The following TTYH2 variants were observed in gnomAD, a reference collection of about 807,000 sequenced individuals.
TTYH2 encodes the protein protein tweety homolog 2.
In TTYH2, 49 loss-of-function variants were observed where a neutral mutation model predicts 68.3. That is an observed-to-expected ratio of 0.72 (90% CI 0.57 to 0.91). The LOEUF is 0.91. TTYH2 is among the 40% of genes least tolerant of loss of function. TTYH2 has a pLI of 0.00. For missense variants in TTYH2, 631 were observed against 700.4 expected, an observed-to-expected ratio of 0.90 and a Z score of 1.12; for synonymous variants, 272 against 300.8, an observed-to-expected ratio of 0.90 and a Z score of 0.99.
In TTYH2 at chr17:74,243,472, G is replaced by A. The variant is rs2050522858; in HGVS notation, c.731+3G>A. ...CGCTCCAAGTGTCTCCTGGCCTCGT[G>A]AGTATCCCTACCCGTGGACCTGGGA... On this transcript the variant is annotated splice_donor_region_variant and intron_variant, in intron 5 of 13. Coordinates refer to ENST00000269346, the MANE Select transcript of TTYH2 (RefSeq NM_032646.6). The A allele has an allele frequency of 6.2e-7, 1 of 1,613,934 alleles. No individual in the cohort carries two copies. Among genetic ancestry groups the A allele is most frequent in the Non-Finnish European group, 8.5e-7 (1 of 1,179,902 alleles).
chr17:74,260,648 C>T lies in TTYH2; in HGVS notation c.*439C>T, dbSNP rs745627404. The T allele has an allele frequency of 3.4e-5, 7 of 205,782 alleles. No homozygotes were observed. Among genetic ancestry groups the T allele is most frequent in the Admixed American group, 1.5e-4 (3 of 19,948 alleles). The allele number at this position is 205,782 out of a possible 1,614,324, so 12.7% of individuals were successfully genotyped here. ...AGAGCCCAGACGACCCCTCTGTCCT[C>T]GTTCCCTGTCCTCGTTCCCTGCAGG... On this transcript the variant is annotated 3_prime_UTR_variant, in exon 14 of 14. Coordinates refer to ENST00000269346, the MANE Select transcript of TTYH2 (RefSeq NM_032646.6).
In TTYH2 at chr17:74,215,460, A is replaced by G. The variant is rs117177546; in HGVS notation, c.129+1744A>G. 6.0e-3 allele frequency among the ~76,000 whole-genome samples: 917 copies of G among 152,034 alleles called. 2 individuals are homozygous for G. Among genetic ancestry groups the G allele is most frequent in the Non-Finnish European group, 9.1e-3 (618 of 67,940 alleles). On this transcript the variant is annotated intron_variant, in intron 1 of 13. Coordinates refer to ENST00000269346, the MANE Select transcript of TTYH2 (RefSeq NM_032646.6). The surrounding 1 kb of genome is among the most constrained non-coding windows in gnomAD (Gnocchi z 4.3). The stretch of plus-strand genomic sequence containing the variant: ...GGCAGGTGGCAGTTGAGCCAGATGA[A>G]CCTACCTCCAGCCTCTGCCCCTCCT...
At chr17:74,259,657 A>G (rs1164976382) in intron 13 of TTYH2, among the ~76,000 whole-genome samples, 1 of 152,134 alleles carries the variant, frequency 6.6e-6, no homozygotes, top group Non-Finnish European at 1.5e-5. Flanking sequence ...TCCCTGCTCC[A>G]TATCATTTCG....
chr17:74,252,102 GGC>G (rs1405029213), intron 10 of TTYH2, 130 bp from the exon 11 acceptor site: 2 of 1,177,084 alleles, frequency 1.7e-6, no homozygotes, highest in African/African-American at 3.1e-5. Context: ...GGTGCTGCAA[GGC>G]GCTCGGGATG....
At chr17:74,230,785 C>G in intron 2 of TTYH2, 103 bp from the exon 3 acceptor site, 1 of 1,140,996 alleles carries the variant, frequency 8.8e-7, no homozygotes, top group Non-Finnish European at 1.2e-6. Context: ...GCTGGGATTA[C>G]AGGCATGAGC....
chr17:74,235,245 G>C (rs1045365300), intron 3 of TTYH2, among the ~76,000 whole-genome samples: 1 of 152,192 alleles, frequency 6.6e-6, no homozygotes, highest in Non-Finnish European at 1.5e-5. Context: ...GTTGGCCTCC[G>C]AGAGTGGAAT....
In TTYH2 at chr17:74,214,530, C is replaced by G. The variant is rs907827452; in HGVS notation, c.129+814C>G. Among the ~76,000 whole-genome samples, 3 of 152,180 alleles carry G rather than the reference C, an allele frequency of 2.0e-5. No homozygotes were observed. Among genetic ancestry groups the G allele is most frequent in the Admixed American group, 6.5e-5 (1 of 15,278 alleles). The stretch of plus-strand genomic sequence containing the variant: ...CTAGGGCAGTCACTCCCGGCTTCCC[C>G]GCCCTTTCCCTACTCTGCTGACCCT... On this transcript the variant is annotated intron_variant, in intron 1 of 13. Transcript: ENST00000269346. This position sits in a 1 kb window ranked among gnomAD's most constrained non-coding sequence, Gnocchi z 4.6.
At chr17:74,233,733 C>G (rs542104443) in intron 3 of TTYH2, among the ~76,000 whole-genome samples, 1 of 152,072 alleles carries the variant, frequency 6.6e-6, no homozygotes, top group East Asian at 1.9e-4. Flanking sequence ...TGGGTAGGGG[C>G]GGTGGTTCAG....
chr17:74,241,183 G>A lies in TTYH2; in HGVS notation c.636-2191G>A, dbSNP rs1242204814. Reference sequence around the variant, plus strand: ...CACCTATGATCCCAGCACTTTGGGAGGCTGAGGCAGGAGGATCTCTTGAGT... The same window carrying A: ...CACCTATGATCCCAGCACTTTGGGAAGCTGAGGCAGGAGGATCTCTTGAGT... On this transcript the variant is annotated intron_variant, in intron 4 of 13. Coordinates refer to ENST00000269346, the MANE Select transcript of TTYH2 (RefSeq NM_032646.6). The surrounding 1 kb of genome is among the most constrained non-coding windows in gnomAD (Gnocchi z 4.1). Among the ~76,000 whole-genome samples, 1 of 152,134 alleles carries A rather than the reference G, an allele frequency of 6.6e-6. No homozygotes were observed. Among genetic ancestry groups the A allele is most frequent in the Non-Finnish European group, 1.5e-5 (1 of 68,036 alleles).
Position 74,239,205 on chromosome 17 carries a change from A to G in TTYH2, c.635+1691A>G, listed in dbSNP as rs1187878896. On this transcript the variant is annotated intron_variant, in intron 4 of 13. Transcript: ENST00000269346. This position sits in a 1 kb window ranked among gnomAD's most constrained non-coding sequence, Gnocchi z 5.3. ...GAGCAGGGACCTGCTGCCCCTCTCCAGGTGCAGGGTCCAGCGAAGTTTGCT... is the reference window on the plus strand; with the variant it reads ...GAGCAGGGACCTGCTGCCCCTCTCCGGGTGCAGGGTCCAGCGAAGTTTGCT... Among the ~76,000 whole-genome samples, 2 of 152,180 alleles carry G rather than the reference A, an allele frequency of 1.3e-5. No individual in the cohort carries two copies. Among genetic ancestry groups the G allele is most frequent in the African/African-American group, 4.8e-5 (2 of 41,442 alleles).
intron 2 of TTYH2, among the ~76,000 whole-genome samples, chr17:74,226,445 T>G: frequency 1.3e-5 from 2 of 150,158 alleles, no homozygotes; most frequent in Non-Finnish European, 1.5e-5. Context: ...CCACTGCACG[T>G]GGGAGGGGGG....
chr17:74,252,494 G>A (rs117091970), intron 11 of TTYH2, 118 bp downstream of exon 11: 29,991 of 1,279,670 alleles, frequency 0.023, 412 homozygotes, highest in Non-Finnish European at 0.026. Flanking sequence ...GGCAGCAGAG[G>A]GCCCGGGCAT....
rs556728934 is a variant in TTYH2, at chr17:74,254,420, G to A, written c.1524+587G>A. On this transcript the variant is annotated intron_variant, in intron 13 of 13. Coordinates refer to ENST00000269346, the MANE Select transcript of TTYH2 (RefSeq NM_032646.6). ...TGACCTCAGGTGATCCACCCGCCTC[G>A]GCCTCCCAAAGTGCTGGGATTACAG... is the stretch of plus-strand genomic sequence containing the variant. 2.1e-4 allele frequency among the ~76,000 whole-genome samples: 32 copies of A among 152,246 alleles called. No homozygotes were observed. The East Asian group carries it at 5.0e-3, about 24-fold the overall frequency.
At chr17:74,248,552 G>A (rs962498048) in intron 6 of TTYH2, 159 of 1,001,568 alleles carry the variant, frequency 1.6e-4, no homozygotes, top group Admixed American at 5.9e-4. Context: ...TTGAACACCC[G>A]TCCCTGTAGC....
intron 3 of TTYH2, 143 bp downstream of exon 3, chr17:74,231,142 G>A (rs973581601): frequency 2.6e-5 from 19 of 738,236 alleles, no homozygotes; most frequent in Admixed American, 1.1e-4. Context: ...CCCCGCCTGC[G>A]CTGCAGTTGC....
Position 74,237,372 on chromosome 17 carries a change from G to A in TTYH2, c.493G>A (p.Gly165Ser), listed in dbSNP as rs780517439. Residue 165 changes from glycine (G) to serine (S), a missense_variant, in exon 4 of 14, where the codon GGC becomes AGC. By Grantham distance (56) the Gly-to-Ser change is moderately conservative. Transcript: ENST00000269346. ...GCTCAGTGAGATCTTTGCTGCCCGGGGCGATTACCTGCAGACCCTGAAGTT... is the reference window on the plus strand; with the variant it reads ...GCTCAGTGAGATCTTTGCTGCCCGGAGCGATTACCTGCAGACCCTGAAGTT... ...ARLSEIFAARGDYLQTLKFIQ... is the reference protein window; with the variant it reads ...ARLSEIFAARSDYLQTLKFIQ... 6.2e-7 allele frequency: 1 copy of A among 1,614,044 alleles called. No individual in the cohort carries two copies. The highest frequency in any genetic ancestry group is 2.2e-5 in the East Asian group (1 of 44,892).
chr17:74,225,803 T>C (rs2143727046), intron 2 of TTYH2, among the ~76,000 whole-genome samples: 1 of 152,236 alleles, frequency 6.6e-6, no homozygotes, highest in South Asian at 2.1e-4. Context: ...CCCGAGACAT[T>C]CCGTGTGAGG....
chr17:74,213,618 C>T lies in TTYH2; in HGVS notation c.31C>T (p.Pro11Ser), dbSNP rs751362562. The change falls in exon 1 of 14, where the codon CCC becomes TCC. Residue 11 changes from proline (P) to serine (S), a missense_variant. By Grantham distance (74) the Pro-to-Ser change is moderately conservative. Transcript: ENST00000269346. The surrounding 1 kb of genome is among the most constrained non-coding windows in gnomAD (Gnocchi z 6.1). MQAARVDYIA[P>S]WWVVWLHSVP... ...GGCGGCGCGCGTGGACTACATCGCTCCCTGGTGGGTCGTGTGGCTGCACAG... is the reference window on the plus strand; with the variant it reads ...GGCGGCGCGCGTGGACTACATCGCTTCCTGGTGGGTCGTGTGGCTGCACAG... 47 of 1,611,268 alleles carry T rather than the reference C, an allele frequency of 2.9e-5. No individual in the cohort carries two copies. Among genetic ancestry groups the T allele is most frequent in the Admixed American group, 5.0e-5 (3 of 59,844 alleles).
chr17:74,235,871 G>A lies in TTYH2; in HGVS notation c.415-1423G>A, dbSNP rs1177056728. On this transcript the variant is annotated intron_variant, in intron 3 of 13. Coordinates refer to ENST00000269346, the MANE Select transcript of TTYH2 (RefSeq NM_032646.6). Reference sequence around the variant, plus strand: ...ATTGCACCACTGCACTCCAGCCTGGGTGACACAGAGCGAGACTCCATCTCA... The same window carrying A: ...ATTGCACCACTGCACTCCAGCCTGGATGACACAGAGCGAGACTCCATCTCA... 4.7e-5 allele frequency among the ~76,000 whole-genome samples: 7 copies of A among 149,118 alleles called. No individual in the cohort carries two copies. In the East Asian group the frequency reaches 1.4e-3, roughly 29 times the overall value.
Sources: allele counts gnomAD v4.1 joint callset (sites outside exome capture counted in the v4.1 genomes callset), GRCh38; gene constraint gnomAD v4.1.1; non-coding constraint Gnocchi (gnomAD v3.1); transcripts MANE v1.5; gene names NCBI Gene and HGNC (gene_info 2026-07-23, HGNC 2026-07-21).